The following SPIN1 variants were observed in gnomAD, a reference collection of about 807,000 sequenced individuals.
SPIN1 encodes spindlin 1.
SPIN1 carries 3 observed loss-of-function variants against 26.0 expected under a neutral mutation model. The observed-to-expected ratio is 0.12, with a 90% CI of 0.05 to 0.30. The LOEUF (loss-of-function observed/expected upper bound fraction) is 0.30. Ranked by LOEUF, SPIN1 falls within the 10% of genes least tolerant of loss-of-function variation. The probability of loss-of-function intolerance (pLI) is 1.00; values close to 1 mark genes in which losing one functional copy is unlikely to be tolerated. For synonymous variants in SPIN1, 101 were observed against 116.5 expected (o/e 0.87, Z 0.86); for missense variants, 126 against 333.4 (o/e 0.38, Z 4.84).
At chr9:88,406,628 C>T (rs137931353) in intron 1 of SPIN1, among the ~76,000 whole-genome samples, 17 of 152,248 alleles carry the variant, frequency 1.1e-4, no homozygotes, top group African/African-American at 3.6e-4. Flanking sequence ...TTGTGTGTTT[C>T]TTATGATTAG....
At chr9:88,428,720 TTATGGCA>T (rs1156303129) in intron 2 of SPIN1, among the ~76,000 whole-genome samples, 2 of 152,220 alleles carry the variant, frequency 1.3e-5, no homozygotes, top group East Asian at 1.9e-4. Context: ...TTTGATTTTT[TTATGGCA>T]TATGGCATAG....
intron 3 of SPIN1, among the ~76,000 whole-genome samples, chr9:88,462,078 T>C (rs1828587893): frequency 6.6e-6 from 1 of 152,224 alleles, no homozygotes; most frequent in Non-Finnish European, 1.5e-5. Flanking sequence ...GAAGTAGATA[T>C]TATATAAAAC....
intron 1 of SPIN1, among the ~76,000 whole-genome samples, chr9:88,420,782 A>G (rs1407937879): frequency 1.3e-5 from 2 of 152,210 alleles, no homozygotes; most frequent in African/African-American, 4.8e-5. Context: ...AAAGAGGCTA[A>G]TTCATTATCA....
intron 2 of SPIN1, among the ~76,000 whole-genome samples, chr9:88,428,142 G>A (rs1378495064): frequency 1.3e-5 from 2 of 152,120 alleles, no homozygotes; most frequent in Non-Finnish European, 2.9e-5. Flanking sequence ...TATATGTACA[G>A]CATACAGCAT....
chr9:88,448,944 A>G lies in SPIN1; in HGVS notation c.56A>G (p.His19Arg), dbSNP rs1375960799. 3.7e-6 allele frequency: 6 copies of G among 1,613,066 alleles called. No homozygotes were observed. In the African/African-American group the frequency reaches 4.0e-5, roughly 11 times the overall value. Residue 19 changes from histidine (H) to arginine (R), a missense_variant, in exon 3 of 6, where the codon CAT becomes CGT. His to Arg is a conservative substitution (Grantham distance 29). Transcript: ENST00000375859. ...TATATACTCATCTCTCTTACAGGCC[A>G]TGCTGGAGTATCTGCCAACATGATG... Reference protein sequence around the residue: ...PGQRSRADAGHAGVSANMMKK... With the variant: ...PGQRSRADAGRAGVSANMMKK...
chr9:88,408,981 T>TG (rs1827375578), intron 1 of SPIN1, among the ~76,000 whole-genome samples: 91 of 136,698 alleles, frequency 6.7e-4, no homozygotes, highest in African/African-American at 2.1e-3. Flanking sequence ...TTGTGTGTGT[T>TG]TGTGTGTGTG....
intron 3 of SPIN1, among the ~76,000 whole-genome samples, chr9:88,452,604 A>G (rs1828375606): frequency 6.6e-6 from 1 of 152,214 alleles, no homozygotes; most frequent in Admixed American, 6.5e-5. Context: ...CATCTCTGGT[A>G]TTCCCAAAGT....
rs1828891100 is a variant in SPIN1 at position 88,476,485 on chromosome 9, C to G, written c.*1208C>G. On this transcript the variant is annotated 3_prime_UTR_variant, in exon 6 of 6. Transcript: ENST00000375859. ...ACAGCAGCTTAGTCTCCTGACACCT[C>G]TTGTGGGGTGCATGTTCCTGCTCCA... The G allele has an allele frequency of 6.6e-6, 1 of 152,220 alleles. No homozygotes were observed. Among genetic ancestry groups the G allele is most frequent in the African/African-American group, 2.4e-5 (1 of 41,456 alleles). The allele number at this position is 152,220 out of a possible 1,614,324, so 9.4% of individuals were successfully genotyped here.
intron 1 of SPIN1, among the ~76,000 whole-genome samples, 172 bp downstream of exon 1, chr9:88,388,710 G>A (rs1417226235): frequency 1.3e-5 from 2 of 148,820 alleles, no homozygotes; most frequent in African/African-American, 2.4e-5. Context: ...GGGCCGCGGC[G>A]GGGACCCGGG....
At chr9:88,396,400 G>T (rs542958939) in intron 1 of SPIN1, among the ~76,000 whole-genome samples, 2 of 151,800 alleles carry the variant, frequency 1.3e-5, no homozygotes, top group African/African-American at 4.8e-5. Context: ...CTGGGAGTTT[G>T]AGGCCAGCCT....
intron 5 of SPIN1, among the ~76,000 whole-genome samples, chr9:88,473,034 A>G (rs1037714736): frequency 6.6e-6 from 1 of 152,170 alleles, no homozygotes; most frequent in African/African-American, 2.4e-5. Context: ...CTTCCTATGA[A>G]TAAGTTAGTT....
intron 3 of SPIN1, among the ~76,000 whole-genome samples, chr9:88,450,353 G>T (rs1010118276): frequency 5.3e-5 from 8 of 152,168 alleles, no homozygotes; most frequent in Non-Finnish European, 1.0e-4. Flanking sequence ...AATAGATTTT[G>T]CAAGTTAAGT....
intron 3 of SPIN1, among the ~76,000 whole-genome samples, chr9:88,455,722 A>G (rs1392176522): frequency 6.6e-6 from 1 of 152,220 alleles, no homozygotes; most frequent in Non-Finnish European, 1.5e-5. Context: ...TCATACTTCT[A>G]ATCCCAGCAC....
intron 1 of SPIN1, among the ~76,000 whole-genome samples, chr9:88,419,652 A>G (rs1827635204): frequency 6.6e-6 from 1 of 152,224 alleles, no homozygotes; most frequent in African/African-American, 2.4e-5. Context: ...CTTATGAAAA[A>G]TTTGAACTGA....
At chr9:88,439,292 A>T (rs1178919743) in intron 2 of SPIN1, among the ~76,000 whole-genome samples, 1 of 152,236 alleles carries the variant, frequency 6.6e-6, no homozygotes, top group African/African-American at 2.4e-5. Context: ...TGTTGGTAGC[A>T]TATAAATTCA....
chr9:88,470,742 G>A (rs1037103217), intron 5 of SPIN1, among the ~76,000 whole-genome samples: 1 of 151,980 alleles, frequency 6.6e-6, no homozygotes, highest in Admixed American at 6.6e-5. Context: ...CTATAGGCGC[G>A]TGCCACCATG....
At chr9:88,401,582 A>G (rs1827186972) in intron 1 of SPIN1, among the ~76,000 whole-genome samples, 1 of 152,226 alleles carries the variant, frequency 6.6e-6, no homozygotes, top group South Asian at 2.1e-4. Flanking sequence ...TGTAAATGCT[A>G]TACAAATAGT....
At chr9:88,413,489 T>G (rs984228356) in intron 1 of SPIN1, among the ~76,000 whole-genome samples, 1 of 151,938 alleles carries the variant, frequency 6.6e-6, no homozygotes, top group Non-Finnish European at 1.5e-5. Context: ...GTTCAAGTGA[T>G]TCTTCTACCT....
Position 88,468,610 on chromosome 9 carries a change from GTA to G in SPIN1, c.589+11_589+12del, listed in dbSNP as rs1330060710. 1.3e-5 allele frequency: 19 copies of G among 1,478,068 alleles called. No homozygotes were observed. Among genetic ancestry groups the G allele is most frequent in the Admixed American group, 4.5e-5 (2 of 44,776 alleles). 91.6% of individuals were successfully genotyped at this position (1,478,068 alleles called of 1,614,324 possible). A position where few individuals can be genotyped will look rare whatever the true frequency, so the allele number is the denominator to read the frequency against. On this transcript the variant is annotated splice_donor_region_variant and intron_variant, in intron 5 of 5. Coordinates refer to ENST00000375859, the MANE Select transcript of SPIN1 (RefSeq NM_006717.3). ...TTCGCATTATGCCTGATTCCAGTAA[GTA>G]TATATTGGCAACTTTTATATGTGAT...
Sources: gnomAD v4.1 joint callset for allele counts (sites outside exome capture counted in the v4.1 genomes callset) on GRCh38, gnomAD v4.1.1 for gene constraint, MANE v1.5 for transcripts, NCBI Gene and HGNC (gene_info 2026-07-23, HGNC 2026-07-21) for gene names.